The following SMG6 variants were observed in gnomAD, a reference collection of about 807,000 sequenced individuals.
SMG6 encodes SMG6 nonsense mediated mRNA decay factor, also known as telomerase-binding protein EST1A.
SMG6 carries 66 observed loss-of-function variants against 142.2 expected under a neutral mutation model. The ratio of observed to expected loss-of-function variants is 0.46; its 90% CI spans 0.38 to 0.57. The LOEUF (loss-of-function observed/expected upper bound fraction) is 0.57. SMG6 is among the 20% of genes least tolerant of loss of function. The pLI, the probability that SMG6 is intolerant of heterozygous loss-of-function variation, is 0.00. For missense variants in SMG6, 1,793 were observed against 1,832.0 expected, an observed-to-expected ratio of 0.98 and a Z score of 0.39; for synonymous variants, 779 against 702.4, an observed-to-expected ratio of 1.11 and a Z score of -1.72.
chr17:2,204,828 T>C (rs1286434382), intron 10 of SMG6, among the ~76,000 whole-genome samples: 1 of 152,070 alleles, frequency 6.6e-6, no homozygotes, highest in Non-Finnish European at 1.5e-5. Flanking sequence ...CCAGACGTAG[T>C]GGCACGTGCC....
intron 10 of SMG6, among the ~76,000 whole-genome samples, chr17:2,189,383 G>T (rs987963576): frequency 2.6e-5 from 4 of 152,082 alleles, no homozygotes. Context: ...TGAAAGCCAC[G>T]TCATCTGAAC....
At chr17:2,267,352 AC>A (rs1339927628) in intron 8 of SMG6, among the ~76,000 whole-genome samples, 3 of 140,126 alleles carry the variant, frequency 2.1e-5, no homozygotes, top group African/African-American at 7.5e-5. Flanking sequence ...CACCCACCAC[AC>A]CTGGCTAATT....
intron 13 of SMG6, among the ~76,000 whole-genome samples, chr17:2,115,934 T>A (rs1022532183): frequency 6.6e-6 from 1 of 152,198 alleles, no homozygotes; most frequent in African/African-American, 2.4e-5. Flanking sequence ...CTTGAACTCA[T>A]GGATGGAAGC....
chr17:2,081,488 G>A (rs947045006), intron 15 of SMG6, among the ~76,000 whole-genome samples: 7 of 152,066 alleles, frequency 4.6e-5, no homozygotes, highest in Non-Finnish European at 7.4e-5. Flanking sequence ...TAAGGCTCAG[G>A]GAAACTCTGA....
rs561057846 is a variant in SMG6 at position 2,273,686 on chromosome 17, A to T, written c.2661+8961T>A. On this transcript the variant is annotated intron_variant, in intron 8 of 18. Coordinates refer to ENST00000263073, the MANE Select transcript of SMG6 (RefSeq NM_017575.5). ...CAGGCGCACACCTATAATCCCAGCC[A>T]CTCAGGAGGCTAAGGCACAAGAATC... Among the ~76,000 whole-genome samples, 3 of 152,202 alleles carry T rather than the reference A, an allele frequency of 2.0e-5. No homozygotes were observed. The South Asian group carries it at 6.2e-4, about 32-fold the overall frequency.
chr17:2,065,323 G>C (rs971204866), intron 17 of SMG6, 145 bp downstream of exon 17: 5 of 955,354 alleles, frequency 5.2e-6, no homozygotes, highest in Non-Finnish European at 8.0e-6. Flanking sequence ...GAGTGACTTA[G>C]GGGAGAAGGA....
chr17:2,299,590 C>A lies in SMG6; in HGVS notation c.1163G>T (p.Gly388Val). The A allele has an allele frequency of 6.2e-7, 1 of 1,614,172 alleles. No individual in the cohort carries two copies. The highest frequency in any genetic ancestry group is 8.5e-7 in the Non-Finnish European group (1 of 1,180,042). ...GTTTTTGGACTCCTGCTTCTCAGAGCCTTTGCCCCCACTGCTCAAGCCTTT... is the reference window on the plus strand; with the variant it reads ...GTTTTTGGACTCCTGCTTCTCAGAGACTTTGCCCCCACTGCTCAAGCCTTT... ...PDKGLSSGGK[G>V]SEKQESKNPK... Residue 388 changes from glycine to valine, a missense_variant, in exon 2 of 19, where the codon GGC becomes GTC. Around this residue, in one of 3 missense-constraint regions of SMG6, gnomAD observed 1,597 missense variants for 1,584.6 expected, o/e 1.01. Transcript: ENST00000263073. This position sits in a 1 kb window ranked among gnomAD's most constrained non-coding sequence, Gnocchi z 4.3.
intron 15 of SMG6, among the ~76,000 whole-genome samples, 191 bp downstream of exon 15, chr17:2,081,619 G>A (rs897343024): frequency 1.2e-4 from 18 of 152,298 alleles, no homozygotes; most frequent in Non-Finnish European, 2.2e-4. Flanking sequence ...AGCCCAGGAT[G>A]AGGGAGACTC....
chr17:2,263,891 C>A (rs1157026404), intron 8 of SMG6, among the ~76,000 whole-genome samples: 2 of 152,068 alleles, frequency 1.3e-5, no homozygotes, highest in Admixed American at 6.6e-5. Flanking sequence ...GAAATTCTGG[C>A]ACCTTTAAGA....
intron 8 of SMG6, among the ~76,000 whole-genome samples, chr17:2,268,804 T>C (rs954097525): frequency 1.4e-5 from 2 of 146,318 alleles, no homozygotes; most frequent in Non-Finnish European, 3.0e-5. Context: ...CCCAGCTACT[T>C]GGGAGGCTGA....
chr17:2,183,192 G>A (rs1246511849), intron 12 of SMG6, among the ~76,000 whole-genome samples: 1 of 151,498 alleles, frequency 6.6e-6, no homozygotes, highest in Non-Finnish European at 1.5e-5. Context: ...TGCCACTGCC[G>A]TCCACCCTGG....
chr17:2,280,146 G>A (rs928382306), intron 8 of SMG6, among the ~76,000 whole-genome samples: 2 of 152,132 alleles, frequency 1.3e-5, no homozygotes, highest in Non-Finnish European at 2.9e-5. Context: ...AAGCTCTTGG[G>A]ACCTACTGTG....
chr17:2,260,286 A>T (rs1484553730), intron 8 of SMG6, among the ~76,000 whole-genome samples: 1 of 152,224 alleles, frequency 6.6e-6, no homozygotes, highest in Non-Finnish European at 1.5e-5. Flanking sequence ...GAGCTGAACC[A>T]AGCATGTCCA....
chr17:2,272,794 C>T (rs868748338), intron 8 of SMG6, among the ~76,000 whole-genome samples: 1 of 151,836 alleles, frequency 6.6e-6, no homozygotes. Flanking sequence ...AAAAATTAGC[C>T]GGGTGTGGTG....
rs968899747 is a variant in SMG6, at chr17:2,131,842, C to T, written c.3357+40816G>A. ...ATTCTAGCACTTTAGGAGGCCAAGG[C>T]AGGCGGACCACTTGAGGACACGAGT... On this transcript the variant is annotated intron_variant, in intron 13 of 18. Transcript: ENST00000263073. 2.6e-5 allele frequency among the ~76,000 whole-genome samples: 4 copies of T among 152,280 alleles called. No homozygotes were observed. In the South Asian group the frequency reaches 8.3e-4, roughly 32 times the overall value.
intron 13 of SMG6, among the ~76,000 whole-genome samples, chr17:2,127,271 T>C (rs533792055): frequency 6.6e-6 from 1 of 152,056 alleles, no homozygotes; most frequent in South Asian, 2.1e-4. Flanking sequence ...TACTGTGTAA[T>C]GGTTACGGCG....
In SMG6 at chr17:2,300,674, C is replaced by T. The variant is rs372628155; in HGVS notation, c.89-10G>A. ...AATTCCTTCATGTTTTCTGTTATGT[C>T]GGGGAAAGAGTTTGGGAGGGAAAGG... On this transcript the variant is annotated splice_polypyrimidine_tract_variant and intron_variant, in intron 1 of 18. Transcript: ENST00000263073. The T allele has an allele frequency of 8.4e-6, 13 of 1,552,104 alleles. No individual in the cohort carries two copies. Among genetic ancestry groups the T allele is most frequent in the South Asian group, 1.2e-5 (1 of 80,698 alleles).
intron 13 of SMG6, among the ~76,000 whole-genome samples, chr17:2,148,403 T>C (rs1359259750): frequency 1.3e-5 from 2 of 152,220 alleles, no homozygotes; most frequent in African/African-American, 4.8e-5. Flanking sequence ...GGTAGATGTA[T>C]GCATACAACA....
intron 13 of SMG6, among the ~76,000 whole-genome samples, chr17:2,152,335 G>A (rs1445672471): frequency 1.3e-5 from 2 of 152,124 alleles, no homozygotes; most frequent in Non-Finnish European, 2.9e-5. Context: ...TTTCCTTATG[G>A]TCCTCTACTA....
Sources: allele counts gnomAD v4.1 joint callset (sites outside exome capture counted in the v4.1 genomes callset), GRCh38; gene constraint gnomAD v4.1.1; regional missense constraint gnomAD v4.1.1; non-coding constraint Gnocchi (gnomAD v3.1); transcripts MANE v1.5; gene names NCBI Gene and HGNC (gene_info 2026-07-23, HGNC 2026-07-21).